The following RARB variants were observed in gnomAD, a reference collection of about 807,000 sequenced individuals.
The protein encoded by RARB is HBV-activated protein.
In RARB, 17 loss-of-function variants were observed where a neutral mutation model predicts 51.9. The ratio of observed to expected loss-of-function variants is 0.33; its 90% CI spans 0.22 to 0.49. RARB has a LOEUF of 0.49. RARB is among the 20% of genes least tolerant of loss of function. The probability of loss-of-function intolerance (pLI) is 0.99; values close to 1 mark genes in which losing one functional copy is unlikely to be tolerated. For synonymous variants in RARB, 215 were observed against 195.4 expected, an observed-to-expected ratio of 1.10 and a Z score of -0.84; for missense variants, 369 against 550.8, an observed-to-expected ratio of 0.67 and a Z score of 3.30.
At chr3:25,221,715 A>G (rs1329525469) in intron 5 of RARB, among the ~76,000 whole-genome samples, 1 of 152,184 alleles carries the variant, frequency 6.6e-6, no homozygotes, top group Non-Finnish European at 1.5e-5. Flanking sequence ...TGCTGCTTCT[A>G]GGAGAACTTG....
chr3:25,030,010 G>A (rs561498030), intron 2 of RARB, among the ~76,000 whole-genome samples: 19 of 152,282 alleles, frequency 1.2e-4, no homozygotes, highest in Middle Eastern at 3.4e-3. Flanking sequence ...TTATAGTGCC[G>A]TTGGAAAGCC....
At chr3:25,558,228 C>T (rs186927095) in intron 3 of RARB, among the ~76,000 whole-genome samples, 21 of 152,224 alleles carry the variant, frequency 1.4e-4, no homozygotes, top group Middle Eastern at 3.4e-3. Flanking sequence ...TTTATCTGGC[C>T]TCCTCTTAAC....
chr3:25,460,868 T>C (rs1398051638), intron 1 of RARB, among the ~76,000 whole-genome samples: 1 of 152,214 alleles, frequency 6.6e-6, no homozygotes, highest in Non-Finnish European at 1.5e-5. Flanking sequence ...GCTCTGCTGG[T>C]CTTAGTTAGA....
chr3:25,548,714 G>T (rs1699724720), intron 3 of RARB, among the ~76,000 whole-genome samples: 1 of 150,246 alleles, frequency 6.7e-6, no homozygotes, highest in Non-Finnish European at 1.5e-5. Context: ...TGTTATCAGT[G>T]CACCTGAAGA....
chr3:25,019,289 A>G lies in RARB; in HGVS notation c.-379-40836A>G, dbSNP rs541079403. Among the ~76,000 whole-genome samples the G allele has an allele frequency of 3.3e-5, 5 of 152,336 alleles. No individual in the cohort carries two copies. The East Asian group carries it at 9.7e-4, about 29-fold the overall frequency. ...CTATTTTTGATTGTAATAGAAATTC[A>G]AGAAATAAAAATAAGACACCAGAAA... On this transcript the variant is annotated intron_variant, in intron 2 of 11. Transcript: ENST00000383772.
intron 2 of RARB, among the ~76,000 whole-genome samples, chr3:25,041,657 T>C (rs985035431): frequency 6.6e-6 from 1 of 152,136 alleles, no homozygotes. Context: ...TCCTCAACTC[T>C]AAATTCCTCT....
intron 2 of RARB, among the ~76,000 whole-genome samples, chr3:25,000,596 C>T (rs1451682245): frequency 6.6e-6 from 1 of 151,978 alleles, no homozygotes; most frequent in African/African-American, 2.4e-5. Context: ...TTATTCTGTA[C>T]CCCTGGTCTC....
chr3:24,970,971 C>G (rs1256776608), intron 2 of RARB, among the ~76,000 whole-genome samples: 2 of 151,986 alleles, frequency 1.3e-5, no homozygotes, highest in Admixed American at 1.3e-4. Flanking sequence ...CAACTAACTG[C>G]TCACCCTGGT....
intron 5 of RARB, among the ~76,000 whole-genome samples, chr3:25,312,165 G>T (rs1161362774): frequency 6.6e-6 from 1 of 152,098 alleles, no homozygotes; most frequent in Admixed American, 6.5e-5. Context: ...AGAGACGGAA[G>T]AAAAATTAAT....
chr3:25,404,098 C>G (rs1041175305), intron 5 of RARB, among the ~76,000 whole-genome samples: 4 of 152,112 alleles, frequency 2.6e-5, no homozygotes, highest in African/African-American at 9.7e-5. Flanking sequence ...CATGCTTCAA[C>G]TGCTCGATTC....
chr3:25,576,147 G>A (rs549568198), intron 4 of RARB, among the ~76,000 whole-genome samples: 40 of 152,252 alleles, frequency 2.6e-4, no homozygotes, highest in African/African-American at 8.2e-4. Context: ...TGGGAGGGAG[G>A]CAGAGCTAAG....
At chr3:25,352,962 C>T (rs908134103) in intron 5 of RARB, among the ~76,000 whole-genome samples, 3 of 152,168 alleles carry the variant, frequency 2.0e-5, no homozygotes, top group Non-Finnish European at 4.4e-5. Flanking sequence ...GACTATCCTG[C>T]CTATTATGAA....
intron 3 of RARB, among the ~76,000 whole-genome samples, chr3:25,517,868 C>T (rs547924500): frequency 2.6e-5 from 4 of 152,126 alleles, no homozygotes; most frequent in South Asian, 4.2e-4. Flanking sequence ...GAAAATATTA[C>T]GCTAAGTGAA....
intron 5 of RARB, among the ~76,000 whole-genome samples, chr3:25,411,259 T>A (rs1365189118): frequency 1.3e-5 from 2 of 152,222 alleles, no homozygotes; most frequent in Non-Finnish European, 2.9e-5. Context: ...CACCTTTTTG[T>A]AGAACTGGCA....
intron 2 of RARB, among the ~76,000 whole-genome samples, chr3:25,461,793 G>T (rs1053117957): frequency 4.6e-5 from 7 of 152,186 alleles, no homozygotes; most frequent in Admixed American, 2.6e-4. Context: ...TACTCAGGAG[G>T]CTGAGACACG....
intron 1 of RARB, among the ~76,000 whole-genome samples, chr3:24,843,888 G>A (rs1162429838): frequency 6.9e-6 from 1 of 144,452 alleles, no homozygotes; most frequent in Non-Finnish European, 1.5e-5. Flanking sequence ...TGTTGTTTTG[G>A]TGATTTGAGG....
intron 1 of RARB, among the ~76,000 whole-genome samples, chr3:24,856,430 T>C (rs1702637521): frequency 6.6e-6 from 1 of 152,208 alleles, no homozygotes; most frequent in African/African-American, 2.4e-5. Flanking sequence ...ATGTCCACCA[T>C]GGTTATGTTG....
At chr3:25,081,601 A>ATATATATATAT (rs1237247594) in intron 3 of RARB, among the ~76,000 whole-genome samples, 1 of 16,092 alleles carries the variant, frequency 6.2e-5, no homozygotes, top group Non-Finnish European at 1.1e-4. Context: ...ATATATATAT[A>ATATATATATAT]TATATATATA....
chr3:25,595,260 A>G (rs1196283294), intron 7 of RARB, among the ~76,000 whole-genome samples: 1 of 152,202 alleles, frequency 6.6e-6, no homozygotes, highest in Non-Finnish European at 1.5e-5. Context: ...CTATGTAGAG[A>G]GACAACTCAG....
Sources: allele counts gnomAD v4.1 joint callset (sites outside exome capture counted in the v4.1 genomes callset), GRCh38; gene constraint gnomAD v4.1.1; transcripts MANE v1.5; gene names NCBI Gene and HGNC (gene_info 2026-07-23, HGNC 2026-07-21).